Variants in CDHR5 observed in about 807,000 individuals in gnomAD.
CDHR5 encodes cadherin-related family member 5.
CDHR5 carries 82 observed loss-of-function variants against 69.5 expected under a neutral mutation model. That is an observed-to-expected ratio of 1.18 (90% CI 0.99 to 1.42). The LOEUF (loss-of-function observed/expected upper bound fraction) is 1.42. Ranked by LOEUF, CDHR5 falls within the 40% of genes most tolerant of loss-of-function variation. The pLI is 0.00. For synonymous variants in CDHR5, 601 were observed against 510.2 expected (o/e 1.18, Z -2.40); for missense variants, 1,293 against 1,168.9 (o/e 1.11, Z -1.55).
intron 7 of CDHR5, 55 bp from the exon 8 acceptor site, chr11:620,441 G>A: frequency 7.8e-7 from 1 of 1,279,724 alleles, no homozygotes; most frequent in South Asian, 1.4e-5. Flanking sequence ...GATGGCCCCA[G>A]CCTGGCCCCT....
At position 617,400 on chromosome 11, in the gene CDHR5, CTCCCCGCGCCCTCGCCCTCA is replaced by C; in HGVS notation, c.2469_2488del (p.Asp823GlufsTer12). 6.2e-7 allele frequency: 1 copy of C among 1,610,126 alleles called. No individual in the cohort carries two copies. Among genetic ancestry groups the C allele is most frequent in the Non-Finnish European group, 8.5e-7 (1 of 1,178,480 alleles). Reference sequence around the variant, plus strand: ...GGGCGCATCGTAGGGACCCCCACCCCTCCCCGCGCCCTCGCCCTCATCGCCGCTGCCGGAGTCACTGGCGC... The same window carrying C: ...GGGCGCATCGTAGGGACCCCCACCCCTCGCCGCTGCCGGAGTCACTGGCGC... On this transcript the variant is annotated frameshift_variant, in exon 15 of 15. Coordinates refer to ENST00000397542, the MANE Select transcript of CDHR5 (RefSeq NM_021924.5). LOFTEE classifies it low-confidence loss of function (END_TRUNC).
In CDHR5 at chr11:624,695, C is replaced by T; in HGVS notation, c.123G>A (p.Glu41=). The change falls in exon 2 of 15, where the codon GAG becomes GAA. Residue 41 remains glutamate (E), a synonymous_variant. Transcript: ENST00000397542. This position sits in a 1 kb window ranked among gnomAD's most constrained non-coding sequence, Gnocchi z 5.3. ...CCAGCGGCTCGGTGACATTTGTGTT[C>T]TCCTCTACTTCAAAGATGTCCTTGT... ...SVNKDIFEVE[E]NTNVTEPLVD... The T allele has an allele frequency of 6.2e-7, 1 of 1,612,236 alleles. No individual in the cohort carries two copies. The highest frequency in any genetic ancestry group is 8.5e-7 in the Non-Finnish European group (1 of 1,178,820).
chr11:619,529 C>G lies in CDHR5; in HGVS notation c.1238G>C (p.Gly413Ala), dbSNP rs148760538. 3 of 1,613,986 alleles carry G rather than the reference C, an allele frequency of 1.9e-6. No individual in the cohort carries two copies. In the South Asian group the frequency reaches 3.3e-5, roughly 18 times the overall value. The change falls in exon 11 of 15, where the codon GGA becomes GCA. Residue 413 changes from glycine to alanine, a missense_variant. Transcript: ENST00000397542. ...ITNHSHFRME[G>A]EVVLTTTTLA... The stretch of plus-strand genomic sequence containing the variant: ...TGTGGTGGTGGTCAGCACAACCTCT[C>G]CCTCCATCCGGAAGTGTGAGTGGTT...
chr11:622,142 G>A (rs544728476), intron 3 of CDHR5, among the ~76,000 whole-genome samples: 1 of 150,600 alleles, frequency 6.6e-6, no homozygotes, highest in Non-Finnish European at 1.5e-5. Context: ...ACCCGTCCCC[G>A]CCGTGAGTGG....
chr11:622,947 CTG>C (rs1857506091), intron 3 of CDHR5, among the ~76,000 whole-genome samples: 1 of 152,088 alleles, frequency 6.6e-6, no homozygotes, highest in Non-Finnish European at 1.5e-5. Context: ...GGTAATTCTC[CTG>C]AGTTTCTGTT....
rs1564897367 is a variant in CDHR5, at chr11:620,303, G to A, written c.873C>T (p.Ile291=). 6.2e-7 allele frequency: 1 copy of A among 1,611,756 alleles called. No individual in the cohort carries two copies. Among genetic ancestry groups the A allele is most frequent in the Non-Finnish European group, 8.5e-7 (1 of 1,178,530 alleles). Residue 291 remains isoleucine (I), a synonymous_variant, in exon 8 of 15, where the codon ATC becomes ATT. Coordinates refer to ENST00000397542, the MANE Select transcript of CDHR5 (RefSeq NM_021924.5). The stretch of plus-strand genomic sequence containing the variant: ...GGGCTGGGCCCCACTCACCCCTAAA[G>A]ATGCTGTAGATGATGGGCTGGTTGA... ...RGINQPIIYS[I]FRGNVNGTFI... is the part of the protein sequence containing the mutation.
Position 624,685 on chromosome 11 carries a change from C to G in CDHR5, c.133G>C (p.Val45Leu). The G allele has an allele frequency of 6.2e-7, 1 of 1,612,904 alleles. No individual in the cohort carries two copies. Among genetic ancestry groups the G allele is most frequent in the Non-Finnish European group, 8.5e-7 (1 of 1,179,262 alleles). ...TGGATGTCCACCAGCGGCTCGGTGA[C>G]ATTTGTGTTCTCCTCTACTTCAAAG... ...DIFEVEENTN[V>L]TEPLVDIHVP... The change falls in exon 2 of 15, where the codon GTC becomes CTC. Residue 45 changes from valine to leucine, a missense_variant. Val to Leu is a conservative substitution (Grantham distance 32). Coordinates refer to ENST00000397542, the MANE Select transcript of CDHR5 (RefSeq NM_021924.5). The surrounding 1 kb of genome is among the most constrained non-coding windows in gnomAD (Gnocchi z 5.3).
chr11:622,764 C>T (rs1007993262), intron 3 of CDHR5, among the ~76,000 whole-genome samples: 1 of 152,090 alleles, frequency 6.6e-6, no homozygotes, highest in Non-Finnish European at 1.5e-5. Flanking sequence ...GTGTGAGCCA[C>T]GGCGCCCAGC....
chr11:624,836 TC>T lies in CDHR5; in HGVS notation c.66del (p.Thr23ProfsTer10). ...LFTGLLVRPPGTMAQAQYCSV... is the reference protein window; with the variant it reads ...LFTGLLVRPPXTMAQAQYCSV... ...CACATACACTGGGCCTGGGCCATGG[TC>T]CCCGGGGGTCGGACGAGCAGCCCGG... On this transcript the variant is annotated frameshift_variant, in exon 1 of 15. Transcript: ENST00000397542. LOFTEE classifies it high-confidence loss of function. This position sits in a 1 kb window ranked among gnomAD's most constrained non-coding sequence, Gnocchi z 5.3. 1.2e-6 allele frequency: 2 copies of T among 1,604,412 alleles called. No individual in the cohort carries two copies. Among genetic ancestry groups the T allele is most frequent in the Non-Finnish European group, 8.5e-7 (1 of 1,176,660 alleles).
At chr11:618,568 C>T in intron 13 of CDHR5, 31 bp downstream of exon 13, 14 of 1,611,346 alleles carry the variant, frequency 8.7e-6, no homozygotes, top group Non-Finnish European at 1.2e-5. Flanking sequence ...TGACCGGAGT[C>T]AGGGAGGGAA....
intron 3 of CDHR5, among the ~76,000 whole-genome samples, chr11:623,729 G>A (rs1857551863): frequency 6.6e-6 from 1 of 152,112 alleles, no homozygotes. Context: ...GGAGTGGACT[G>A]GGGCCAGCAA....
In CDHR5 at chr11:621,310, G is replaced by A; in HGVS notation, c.618+35C>T. 1.2e-6 allele frequency: 2 copies of A among 1,611,818 alleles called. No homozygotes were observed. The highest frequency in any genetic ancestry group is 1.1e-5 in the South Asian group (1 of 90,986). On this transcript the variant is annotated intron_variant, in intron 6 of 14. Coordinates refer to ENST00000397542, the MANE Select transcript of CDHR5 (RefSeq NM_021924.5). The surrounding 1 kb of genome is among the most constrained non-coding windows in gnomAD (Gnocchi z 4.4). ...AGCAGCTGGGGCCGGGGGGCCTCAA[G>A]TGTGTGGGACTCGGGGCTGGGGTGA... is the stretch of plus-strand genomic sequence containing the variant.
At position 624,758 on chromosome 11, in the gene CDHR5, G is replaced by A. The variant is rs1347517110; in HGVS notation, c.86-26C>T. On this transcript the variant is annotated intron_variant, in intron 1 of 14. Transcript: ENST00000397542. This position sits in a 1 kb window ranked among gnomAD's most constrained non-coding sequence, Gnocchi z 5.3. ...CTGTAAGGTTGCAGAGGAGGGATCA[G>A]TGCCTCCCAGCCCCTGGCTCCCCGC... 2 of 1,603,426 alleles carry A rather than the reference G, an allele frequency of 1.2e-6. No homozygotes were observed. The highest frequency in any genetic ancestry group is 1.7e-5 in the Admixed American group (1 of 58,996).
Position 617,483 on chromosome 11 carries a change from G to A in CDHR5, c.2406C>T (p.Asp802=), listed in dbSNP as rs369218232. 9.3e-5 allele frequency: 150 copies of A among 1,612,590 alleles called. No individual in the cohort carries two copies. The highest frequency in any genetic ancestry group is 1.6e-4 in the Middle Eastern group (1 of 6,084). The stretch of plus-strand genomic sequence containing the variant: ...GGGTGGGCGCGTTGAGAACGACCAC[G>A]TCTGCCTCCGTCCCGATGTCCTCGC... The part of the protein sequence containing the change: ...WFGEDIGTEA[D]VVVLNAPTLD... The change falls in exon 15 of 15, where the codon GAC becomes GAT. Residue 802 remains aspartate, a synonymous_variant. Transcript: ENST00000397542.
At position 621,779 on chromosome 11, in the gene CDHR5, CG is replaced by C. The variant is rs761473075; in HGVS notation, c.405+32del. On this transcript the variant is annotated intron_variant, in intron 4 of 14. Transcript: ENST00000397542. The surrounding 1 kb of genome is among the most constrained non-coding windows in gnomAD (Gnocchi z 4.4). ...CCCTCACCCTGGGCTCCCACACCCC[CG>C]TGCCCAGTCCCCGCGGCTTCGCTGG... 1 of 1,590,716 alleles carries C rather than the reference CG, an allele frequency of 6.3e-7. No individual in the cohort carries two copies. Among genetic ancestry groups the C allele is most frequent in the Non-Finnish European group, 8.6e-7 (1 of 1,160,070 alleles).
In CDHR5 at chr11:621,840, A is replaced by G. The variant is rs778553892; in HGVS notation, c.377T>C (p.Phe126Ser). The G allele has an allele frequency of 1.9e-5, 30 of 1,613,624 alleles. No individual in the cohort carries two copies. The East Asian group carries it at 6.5e-4, about 35-fold the overall frequency. Residue 126 changes from phenylalanine to serine, a missense_variant, in exon 4 of 15, where the codon TTT becomes TCT. By Grantham distance (155) the Phe-to-Ser change is radical. Coordinates refer to ENST00000397542, the MANE Select transcript of CDHR5 (RefSeq NM_021924.5). The surrounding 1 kb of genome is among the most constrained non-coding windows in gnomAD (Gnocchi z 4.4). ...DVNDNAPEFP[F>S]KTKEIRVEED... ...CTCCACCCTTATCTCCTTGGTCTTA[A>G]AGGGGAATTCGGGGGCATTGTCATT...
Position 617,982 on chromosome 11 carries a change from C to CG in CDHR5, c.2089dup (p.Arg697ProfsTer18). ...AGCTTTGCCACAGCAGCACTTGAGC[C>CG]GGGGGCCATAGTGCTTGTGGACAAG... is the stretch of plus-strand genomic sequence containing the variant. On this transcript the variant is annotated frameshift_variant, in exon 14 of 15. Coordinates refer to ENST00000397542, the MANE Select transcript of CDHR5 (RefSeq NM_021924.5). LOFTEE classifies it low-confidence loss of function (END_TRUNC). 1 of 1,611,942 alleles carries CG rather than the reference C, an allele frequency of 6.2e-7. No homozygotes were observed. The highest frequency in any genetic ancestry group is 8.5e-7 in the Non-Finnish European group (1 of 1,179,600).
Position 620,142 on chromosome 11 carries a change from G to T in CDHR5, c.903C>A (p.Ile301=). The change falls in exon 9 of 15, where the codon ATC becomes ATA. Residue 301 remains isoleucine (I), a synonymous_variant. Coordinates refer to ENST00000397542, the MANE Select transcript of CDHR5 (RefSeq NM_021924.5). ...IFRGNVNGTF[I]IHPDSGNLTV... ...TGAGGTTGCCCGAGTCTGGGTGGAT[G>T]ATGAATGTACCATTCACGTTTCCTG... The T allele has an allele frequency of 6.2e-7, 1 of 1,613,606 alleles. No homozygotes were observed. Among genetic ancestry groups the T allele is most frequent in the Non-Finnish European group, 8.5e-7 (1 of 1,179,700 alleles).
chr11:624,228 C>G lies in CDHR5; in HGVS notation c.297G>C (p.Gln99His). The G allele has an allele frequency of 1.3e-6, 1 of 769,338 alleles. No individual in the cohort carries two copies. Among genetic ancestry groups the G allele is most frequent in the Non-Finnish European group, 2.4e-6 (1 of 413,368 alleles). The allele number at this position is 769,338 out of a possible 1,614,324, so 47.7% of individuals were successfully genotyped here. The change falls in exon 3 of 15, where the codon CAG (glutamine) becomes CAC (histidine). Residue 99 changes from glutamine (Q) to histidine (H), a missense_variant. Physicochemically the swap from Gln to His is conservative, Grantham distance 24. Coordinates refer to ENST00000397542, the MANE Select transcript of CDHR5 (RefSeq NM_021924.5). This position sits in a 1 kb window ranked among gnomAD's most constrained non-coding sequence, Gnocchi z 5.3. Reference protein sequence around the residue: ...KSLLEAQLLCQSGGTLVTQLR... With the variant: ...KSLLEAQLLCHSGGTLVTQLR... ...GGGGACTCACCAATGTGCCTCCGCT[C>G]TGACACAGCAGCTGAGCCTCAAGCA...
Sources: allele counts gnomAD v4.1 joint callset (sites outside exome capture counted in the v4.1 genomes callset), GRCh38; gene constraint gnomAD v4.1.1; non-coding constraint Gnocchi (gnomAD v3.1); transcripts MANE v1.5; gene names NCBI Gene and HGNC (gene_info 2026-07-23, HGNC 2026-07-21).